Variants in MTUS1 observed in about 807,000 individuals in gnomAD.
The protein encoded by MTUS1 is microtubule associated scaffold protein 1, also known as microtubule-associated tumor suppressor 1.
MTUS1 carries 109 observed loss-of-function variants against 120.8 expected under a neutral mutation model. The ratio of observed to expected loss-of-function variants is 0.90; its 90% CI spans 0.77 to 1.06. MTUS1 has a LOEUF of 1.06. Among genes scored for constraint, MTUS1 ranks in the 50% least tolerant of loss-of-function variants. The probability of loss-of-function intolerance (pLI) is 0.00; values close to 1 mark genes in which losing one functional copy is unlikely to be tolerated. For synonymous variants in MTUS1, 737 were observed against 550.5 expected (o/e 1.34, Z -4.74); for missense variants, 2,210 against 1,486.3 (o/e 1.49, Z -8.01).
At chr8:17,725,347 G>A (rs1024328755) in intron 3 of MTUS1, among the ~76,000 whole-genome samples, 1 of 152,062 alleles carries the variant, frequency 6.6e-6, no homozygotes, top group African/African-American at 2.4e-5. Flanking sequence ...AGCTCCTCAG[G>A]CCTGGCATTT....
intron 2 of MTUS1, among the ~76,000 whole-genome samples, chr8:17,751,622 G>C (rs549473294): frequency 1.3e-5 from 2 of 152,178 alleles, no homozygotes; most frequent in African/African-American, 4.8e-5. Context: ...CACTTTGGGA[G>C]GCCGAGGCAG....
chr8:17,723,992 C>T lies in MTUS1; in HGVS notation c.2288-159G>A, dbSNP rs76170348. 107 of 616,918 alleles carry T rather than the reference C, an allele frequency of 1.7e-4. 1 individual carries two copies. Among genetic ancestry groups the T allele is most frequent in the East Asian group, 1.6e-3 (60 of 36,564 alleles). The allele number at this position is 616,918 out of a possible 1,614,324, so 38.2% of individuals were successfully genotyped here. A position where few individuals can be genotyped will look rare whatever the true frequency, so the allele number is the denominator to read the frequency against. On this transcript the variant is annotated intron_variant, in intron 3 of 14. Transcript: ENST00000693296. ...CTTCAGATGAAAGATGAAAGCTTCA[C>T]GCAGACATGTTTATTTTTGATCATT...
intron 6 of MTUS1, chr8:17,691,304 C>T (rs1816892444): frequency 1.3e-5 from 2 of 152,226 alleles, no homozygotes; most frequent in Admixed American, 6.5e-5. Context: ...CAAAATCTTA[C>T]CTATTGTGAG....
In MTUS1 at chr8:17,689,228, AC is replaced by A. The variant is rs1816464012; in HGVS notation, c.2624-4687del. ...TCCGTTCTCAAAAACAAACAAACAA[AC>A]AAACAAAAAACCCCAAGCCAAGCCC... On this transcript the variant is annotated intron_variant, in intron 6 of 14. Coordinates refer to ENST00000693296, the MANE Select transcript of MTUS1 (RefSeq NM_001363059.2). 3.9e-5 allele frequency among the ~76,000 whole-genome samples: 6 copies of A among 152,180 alleles called. No individual in the cohort carries two copies. In the South Asian group the frequency reaches 1.2e-3, roughly 32 times the overall value.
intron 6 of MTUS1, among the ~76,000 whole-genome samples, chr8:17,687,712 C>T (rs1816112171): frequency 6.6e-6 from 1 of 152,204 alleles, no homozygotes; most frequent in Non-Finnish European, 1.5e-5. Flanking sequence ...AATGAAATGG[C>T]AGCCTCCATC....
At chr8:17,727,241 T>C (rs889424856) in intron 3 of MTUS1, among the ~76,000 whole-genome samples, 4 of 152,104 alleles carry the variant, frequency 2.6e-5, no homozygotes, top group Admixed American at 2.0e-4. Flanking sequence ...ATCCTAACAG[T>C]GTGTGACTAT....
intron 6 of MTUS1, among the ~76,000 whole-genome samples, chr8:17,692,805 G>C (rs745540352): frequency 6.6e-6 from 1 of 152,066 alleles, no homozygotes; most frequent in African/African-American, 2.4e-5. Flanking sequence ...TCTGTGACAT[G>C]AGTTTACCTA....
rs1242663312 is a variant in MTUS1, at chr8:17,644,124, A to G, written c.*1802T>C. On this transcript the variant is annotated 3_prime_UTR_variant, in exon 15 of 15. Coordinates refer to ENST00000693296, the MANE Select transcript of MTUS1 (RefSeq NM_001363059.2). ...ATGAATGGCAAACCCAACTTTGGCT[A>G]ATGTCATTGAGAACAACTTGGAAGC... 2 of 152,224 alleles carry G rather than the reference A, an allele frequency of 1.3e-5. No homozygotes were observed. Among genetic ancestry groups the G allele is most frequent in the African/African-American group, 2.4e-5 (1 of 41,460 alleles). The allele number at this position is 152,224 out of a possible 1,614,324, so 9.4% of individuals were successfully genotyped here. A position where few individuals can be genotyped will look rare whatever the true frequency, so the allele number is the denominator to read the frequency against.
intron 3 of MTUS1, among the ~76,000 whole-genome samples, chr8:17,737,732 C>G (rs546626849): frequency 2.8e-4 from 42 of 152,242 alleles, no homozygotes; most frequent in African/African-American, 1.0e-3. Context: ...AGTAATCCTC[C>G]CACTTCATCC....
intron 6 of MTUS1, among the ~76,000 whole-genome samples, chr8:17,686,665 T>C (rs3862095): frequency 6.6e-6 from 1 of 152,168 alleles, no homozygotes; most frequent in East Asian, 1.9e-4. Flanking sequence ...TGTTGGTTTA[T>C]AATTATTTAC....
At chr8:17,789,394 G>T (rs2051579271) in intron 1 of MTUS1, among the ~76,000 whole-genome samples, 1 of 152,158 alleles carries the variant, frequency 6.6e-6, no homozygotes, top group Non-Finnish European at 1.5e-5. Context: ...AGCTCAGACT[G>T]TTTGAGGGAC....
intron 8 of MTUS1, chr8:17,674,365 A>G (rs1160803728): frequency 1.6e-6 from 1 of 621,990 alleles, no homozygotes; most frequent in African/African-American, 2.0e-5. Flanking sequence ...GGTTGCAGTG[A>G]GTCGAGATCG....
Position 17,698,650 on chromosome 8 carries a change from AATT to A in MTUS1, c.2624-14111_2624-14109del, listed in dbSNP as rs1818442701. 2.0e-5 allele frequency among the ~76,000 whole-genome samples: 3 copies of A among 152,196 alleles called. No individual in the cohort carries two copies. In the South Asian group the frequency reaches 6.2e-4, roughly 31 times the overall value. ...ACTAGCAGGAAGCAGTTCTTTTAGA[AATT>A]CTATAGAGTAGGGTATGAAGCAGGG... On this transcript the variant is annotated intron_variant, in intron 6 of 14. Transcript: ENST00000693296.
intron 6 of MTUS1, among the ~76,000 whole-genome samples, chr8:17,707,012 G>C (rs1180215307): frequency 6.6e-6 from 1 of 152,160 alleles, no homozygotes; most frequent in African/African-American, 2.4e-5. Context: ...CAACTCAACT[G>C]TAATCTCCAC....
chr8:17,752,355 TAA>T (rs748212377), intron 2 of MTUS1, among the ~76,000 whole-genome samples: 5 of 152,152 alleles, frequency 3.3e-5, no homozygotes, highest in African/African-American at 4.8e-5. Context: ...TGATTAGAAT[TAA>T]GAGTATGTTG....
chr8:17,708,340 C>A (rs1271448064), intron 6 of MTUS1, among the ~76,000 whole-genome samples: 1 of 152,200 alleles, frequency 6.6e-6, no homozygotes, highest in African/African-American at 2.4e-5. Context: ...CCAGTAAGCA[C>A]ACGAAATGAC....
chr8:17,788,255 A>T (rs17125463), intron 1 of MTUS1, among the ~76,000 whole-genome samples: 2,838 of 152,324 alleles, frequency 0.019, 87 homozygotes, highest in African/African-American at 0.065. Flanking sequence ...CATCACACTT[A>T]ATGTTATCTC....
chr8:17,676,394 C>A (rs530095770), intron 7 of MTUS1: 1 of 701,196 alleles, frequency 1.4e-6, no homozygotes, highest in Middle Eastern at 2.9e-4. Flanking sequence ...CAGGTGGCCG[C>A]GCCACCCACC....
At chr8:17,666,084 C>G (rs953770405) in intron 8 of MTUS1, among the ~76,000 whole-genome samples, 1 of 127,736 alleles carries the variant, frequency 7.8e-6, no homozygotes, top group Non-Finnish European at 1.6e-5. Flanking sequence ...TGCTGCAGAA[C>G]AGATGCTTTT....
Sources: allele counts gnomAD v4.1 joint callset (sites outside exome capture counted in the v4.1 genomes callset), GRCh38; gene constraint gnomAD v4.1.1; transcripts MANE v1.5; gene names NCBI Gene and HGNC (gene_info 2026-07-23, HGNC 2026-07-21).